The following PRKD3 variants were observed in gnomAD, a reference collection of about 807,000 sequenced individuals.
PRKD3 encodes the protein serine/threonine-protein kinase D3.
A neutral mutation model predicts 99.2 loss-of-function variants in PRKD3; 47 were observed. The ratio of observed to expected loss-of-function variants is 0.47; its 90% CI spans 0.38 to 0.60. The LOEUF is 0.60. Among genes scored for constraint, PRKD3 ranks in the 20% least tolerant of loss-of-function variants. The pLI, the probability that PRKD3 is intolerant of heterozygous loss-of-function variation, is 0.00. For synonymous variants in PRKD3, 392 were observed against 355.4 expected (o/e 1.10, Z -1.16); for missense variants, 1,019 against 1,088.4 (o/e 0.94, Z 0.90).
At chr2:37,322,242 T>A (rs1245240004) in intron 1 of PRKD3, among the ~76,000 whole-genome samples, 1 of 152,248 alleles carries the variant, frequency 6.6e-6, no homozygotes, top group African/African-American at 2.4e-5. Context: ...GCTTTTATAT[T>A]GTATGTTGTA....
intron 5 of PRKD3, among the ~76,000 whole-genome samples, chr2:37,287,806 C>G (rs936670056): frequency 2.0e-5 from 3 of 152,200 alleles, no homozygotes; most frequent in Non-Finnish European, 4.4e-5. Flanking sequence ...TTACCAAAAT[C>G]TACTTACCCC....
At chr2:37,297,686 A>G (rs921592578) in intron 2 of PRKD3, among the ~76,000 whole-genome samples, 1 of 152,130 alleles carries the variant, frequency 6.6e-6, no homozygotes, top group African/African-American at 2.4e-5. Context: ...CTGGTCAGGT[A>G]TATTGCAGGA....
rs1347813285 is a variant in PRKD3 at position 37,316,935 on chromosome 2, C to T, written c.-411G>A. The T allele has an allele frequency of 1.5e-5, 15 of 998,414 alleles. No individual in the cohort carries two copies. Among genetic ancestry groups the T allele is most frequent in the South Asian group, 1.3e-4 (3 of 22,516 alleles). 61.8% of individuals were successfully genotyped at this position (998,414 alleles called of 1,614,324 possible). ...TTTTCTGTCAAGGTGAAATCCTCTT[C>T]GTTTAAAAAACAGTAAGTGTTTTGG... is the stretch of plus-strand genomic sequence containing the variant. On this transcript the variant is annotated 5_prime_UTR_variant, in exon 2 of 19. Coordinates refer to ENST00000234179, the MANE Select transcript of PRKD3 (RefSeq NM_005813.6).
intron 2 of PRKD3, among the ~76,000 whole-genome samples, chr2:37,306,340 G>T (rs1367037300): frequency 6.6e-6 from 1 of 151,974 alleles, no homozygotes; most frequent in African/African-American, 2.4e-5. Flanking sequence ...TAGTTCTTCG[G>T]GTTTAATCAG....
At chr2:37,313,845 C>T (rs1406644282) in intron 2 of PRKD3, among the ~76,000 whole-genome samples, 1 of 152,130 alleles carries the variant, frequency 6.6e-6, no homozygotes, top group African/African-American at 2.4e-5. Context: ...TATCATATAT[C>T]AGAACACACC....
At chr2:37,257,080 T>C (rs1371670314) in intron 16 of PRKD3, 151 bp from the exon 17 acceptor site, 6 of 942,984 alleles carry the variant, frequency 6.4e-6, no homozygotes, top group Non-Finnish European at 9.3e-6. Flanking sequence ...TTGTAAAATA[T>C]CCTTTTCTCA....
chr2:37,273,369 T>C (rs1422612053), intron 11 of PRKD3, among the ~76,000 whole-genome samples: 2 of 152,142 alleles, frequency 1.3e-5, no homozygotes, highest in East Asian at 1.9e-4. Context: ...ACACCAAACA[T>C]GTACACAGTT....
intron 12 of PRKD3, among the ~76,000 whole-genome samples, chr2:37,270,191 C>T (rs962658224): frequency 1.4e-4 from 22 of 152,042 alleles, no homozygotes; most frequent in African/African-American, 5.1e-4. Context: ...TGTGCCACTG[C>T]ACTCCAGCCT....
chr2:37,268,224 G>T, intron 13 of PRKD3: 3 of 438,684 alleles, frequency 6.8e-6, no homozygotes, highest in Non-Finnish European at 1.4e-5. Context: ...TAACTCATTT[G>T]TCTCAATGGC....
chr2:37,255,908 G>C (rs573012134), intron 17 of PRKD3, among the ~76,000 whole-genome samples: 1 of 152,252 alleles, frequency 6.6e-6, no homozygotes, highest in African/African-American at 2.4e-5. Flanking sequence ...CACCTAGTCA[G>C]GAGGCTGAGG....
intron 18 of PRKD3, 147 bp downstream of exon 18, chr2:37,254,057 T>C: frequency 1.6e-6 from 1 of 628,700 alleles, no homozygotes; most frequent in South Asian, 1.9e-5. Flanking sequence ...TGCTGTATGG[T>C]TTCCAGAGAT....
chr2:37,280,234 G>A (rs1669793613), intron 7 of PRKD3, among the ~76,000 whole-genome samples: 1 of 151,868 alleles, frequency 6.6e-6, no homozygotes. Flanking sequence ...TAGTAGAGAT[G>A]GGGTTTCGCC....
At chr2:37,278,069 T>G in intron 8 of PRKD3, 80 bp from the exon 9 acceptor site, 1 of 1,246,580 alleles carries the variant, frequency 8.0e-7, no homozygotes. Context: ...GAAGCCTTTT[T>G]AAAGACAACT....
Position 37,274,648 on chromosome 2 carries a change from G to C in PRKD3, c.1424C>G (p.Thr475Arg). The change falls in exon 11 of 19, where the codon ACA becomes AGA. Residue 475 changes from threonine to arginine, a missense_variant. Physicochemically the swap from Thr to Arg is moderately conservative, Grantham distance 71. Around this residue, in one of 3 missense-constraint regions of PRKD3, gnomAD observed 710 missense variants for 692.7 expected, o/e 1.02. Transcript: ENST00000234179. ...TGGATTGCTGCCTTGTGAAATGTTT[G>C]TGAAATCTCGTGGTGAAGATATGCG... Reference protein sequence around the residue: ...ILRISSPRDFTNISQGSNPHC... With the variant: ...ILRISSPRDFRNISQGSNPHC... 6.2e-7 allele frequency: 1 copy of C among 1,614,044 alleles called. No homozygotes were observed. Among genetic ancestry groups the C allele is most frequent in the Non-Finnish European group, 8.5e-7 (1 of 1,179,920 alleles).
At chr2:37,270,634 C>T (rs1378165901) in intron 12 of PRKD3, among the ~76,000 whole-genome samples, 2 of 152,122 alleles carry the variant, frequency 1.3e-5, no homozygotes, top group Non-Finnish European at 1.5e-5. Flanking sequence ...TTAGCAGACC[C>T]ACACTTATAA....
chr2:37,261,337 A>T (rs1283998846), intron 14 of PRKD3, among the ~76,000 whole-genome samples: 5 of 151,948 alleles, frequency 3.3e-5, no homozygotes, highest in South Asian at 4.1e-4. Flanking sequence ...AAATACAAAA[A>T]CTAACCAGGT....
rs1667642248 is a variant in PRKD3, at chr2:37,253,064, A to G, written c.*113T>C. On this transcript the variant is annotated 3_prime_UTR_variant, in exon 19 of 19. Coordinates refer to ENST00000234179, the MANE Select transcript of PRKD3 (RefSeq NM_005813.6). ...GTACTGGTGTCACTTATTCGTTATCATATTTCTTCATATCTTTGCAGCACT... is the reference window on the plus strand; with the variant it reads ...GTACTGGTGTCACTTATTCGTTATCGTATTTCTTCATATCTTTGCAGCACT... The G allele has an allele frequency of 1.5e-5, 17 of 1,121,518 alleles. No individual in the cohort carries two copies. Among genetic ancestry groups the G allele is most frequent in the Non-Finnish European group, 1.9e-5 (15 of 803,138 alleles). The allele number at this position is 1,121,518 out of a possible 1,614,324, so 69.5% of individuals were successfully genotyped here.
intron 2 of PRKD3, among the ~76,000 whole-genome samples, chr2:37,313,700 A>G (rs1031783781): frequency 2.0e-5 from 3 of 152,220 alleles, no homozygotes; most frequent in African/African-American, 7.2e-5. Flanking sequence ...ACCAAGTATT[A>G]GTCCCTCACT....
At chr2:37,268,079 G>A (rs754733329) in intron 13 of PRKD3, 9 of 231,552 alleles carry the variant, frequency 3.9e-5, no homozygotes, top group Non-Finnish European at 7.8e-5. Flanking sequence ...AAATTAACTA[G>A]TTATACCTAT....
Sources: allele counts gnomAD v4.1 joint callset (sites outside exome capture counted in the v4.1 genomes callset), GRCh38; gene constraint gnomAD v4.1.1; regional missense constraint gnomAD v4.1.1; transcripts MANE v1.5; gene names NCBI Gene and HGNC (gene_info 2026-07-23, HGNC 2026-07-21).